NMNAT2: variants seen among roughly 807,000 people sequenced by gnomAD.
NMNAT2 encodes nicotinamide nucleotide adenylyltransferase 2.
A neutral mutation model predicts 41.6 loss-of-function variants in NMNAT2; 11 were observed. The observed-to-expected ratio is 0.26, with a 90% CI of 0.17 to 0.44. The LOEUF (loss-of-function observed/expected upper bound fraction) is 0.44, where lower values mean the gene tolerates loss of function less well. NMNAT2 is among the 20% of genes least tolerant of loss of function. The pLI is 1.00. For synonymous variants in NMNAT2, 148 were observed against 151.2 expected (o/e 0.98, Z 0.16); for missense variants, 288 against 407.7 (o/e 0.71, Z 2.53).
At chr1:183,357,219 C>CTTTTTTT (rs11343113) in intron 1 of NMNAT2, among the ~76,000 whole-genome samples, 4 of 71,600 alleles carry the variant, frequency 5.6e-5, no homozygotes, top group Non-Finnish European at 8.1e-5. Context: ...ACATCAAATT[C>CTTTTTTT]TTTTTTTTTT....
chr1:183,274,979 C>T (rs1451083145), intron 8 of NMNAT2, among the ~76,000 whole-genome samples: 4 of 152,054 alleles, frequency 2.6e-5, no homozygotes, highest in Non-Finnish European at 5.9e-5. Flanking sequence ...CAGAGGAGAA[C>T]GGGCCTGGTG....
At chr1:183,410,400 GA>G (rs1284867977) in intron 1 of NMNAT2, among the ~76,000 whole-genome samples, 1 of 151,928 alleles carries the variant, frequency 6.6e-6, no homozygotes, top group African/African-American at 2.4e-5. Flanking sequence ...TTCAAAGAGT[GA>G]TACAGAAATA....
chr1:183,287,262 G>A (rs1299000916), intron 4 of NMNAT2, among the ~76,000 whole-genome samples: 1 of 152,114 alleles, frequency 6.6e-6, no homozygotes, highest in Non-Finnish European at 1.5e-5. Flanking sequence ...GGGCTCAAAT[G>A]AGATCATGTC....
At chr1:183,337,324 G>A (rs1385131753) in intron 1 of NMNAT2, among the ~76,000 whole-genome samples, 1 of 152,052 alleles carries the variant, frequency 6.6e-6, no homozygotes, top group Non-Finnish European at 1.5e-5. Flanking sequence ...CTACCTGTCA[G>A]TAGTAGTATA....
Position 183,327,799 on chromosome 1 carries a change from G to C in NMNAT2, c.86-34006C>G, listed in dbSNP as rs1223502840. ...AGAAATAAAAATAGTCTTCTTAGCT[G>C]CTGTTTTTTGTGTGTGTATGTGTGT... On this transcript the variant is annotated intron_variant, in intron 1 of 10. Coordinates refer to ENST00000287713, the MANE Select transcript of NMNAT2 (RefSeq NM_015039.4). Among the ~76,000 whole-genome samples the C allele has an allele frequency of 3.3e-5, 5 of 152,186 alleles. No homozygotes were observed. In the East Asian group the frequency reaches 9.6e-4, roughly 29 times the overall value.
At chr1:183,394,589 A>G (rs1648578916) in intron 1 of NMNAT2, among the ~76,000 whole-genome samples, 1 of 152,212 alleles carries the variant, frequency 6.6e-6, no homozygotes, top group South Asian at 2.1e-4. Context: ...AGGAGCAAAA[A>G]TCTGGCTGAA....
At chr1:183,417,356 A>G (rs1480722261) in intron 1 of NMNAT2, among the ~76,000 whole-genome samples, 2 of 151,732 alleles carry the variant, frequency 1.3e-5, no homozygotes, top group African/African-American at 4.8e-5. Context: ...ACACGCATAT[A>G]CTCACACACA....
At chr1:183,304,950 A>G in intron 1 of NMNAT2, 2 of 1,239,452 alleles carry the variant, frequency 1.6e-6, no homozygotes, top group Middle Eastern at 2.9e-4. Context: ...GACCATGCTG[A>G]GAGAACCTCT....
chr1:183,407,096 C>T (rs1278830785), intron 1 of NMNAT2, among the ~76,000 whole-genome samples: 1 of 152,170 alleles, frequency 6.6e-6, no homozygotes, highest in East Asian at 1.9e-4. Context: ...GGATCATAGG[C>T]GTGAGCCACT....
At chr1:183,380,139 A>C (rs1237614710) in intron 1 of NMNAT2, among the ~76,000 whole-genome samples, 1 of 152,224 alleles carries the variant, frequency 6.6e-6, no homozygotes, top group Non-Finnish European at 1.5e-5. Context: ...GATTTTGTTC[A>C]GGTTTCAGAA....
intron 8 of NMNAT2, among the ~76,000 whole-genome samples, chr1:183,267,910 C>T (rs1295415112): frequency 1.3e-5 from 2 of 152,168 alleles, no homozygotes; most frequent in African/African-American, 4.8e-5. Context: ...TCTTCTCCCC[C>T]TGCAGCATAC....
chr1:183,344,773 A>T (rs948010768), intron 1 of NMNAT2, among the ~76,000 whole-genome samples: 5 of 152,180 alleles, frequency 3.3e-5, no homozygotes, highest in African/African-American at 4.8e-5. Flanking sequence ...GGCATTTAAA[A>T]CCATACCTCA....
At chr1:183,415,699 T>A (rs1359793319) in intron 1 of NMNAT2, among the ~76,000 whole-genome samples, 7 of 152,238 alleles carry the variant, frequency 4.6e-5, no homozygotes, top group South Asian at 2.1e-4. Flanking sequence ...TTAACAGGAA[T>A]AAGTAACATA....
At chr1:183,351,001 T>C (rs1339270346) in intron 1 of NMNAT2, among the ~76,000 whole-genome samples, 3 of 152,198 alleles carry the variant, frequency 2.0e-5, no homozygotes, top group Non-Finnish European at 4.4e-5. Flanking sequence ...AATCTTGTGC[T>C]AGGGATTGCG....
intron 1 of NMNAT2, among the ~76,000 whole-genome samples, chr1:183,349,923 A>G (rs1222450387): frequency 6.6e-6 from 1 of 152,178 alleles, no homozygotes; most frequent in African/African-American, 2.4e-5. Flanking sequence ...TAGAAGATGC[A>G]TCTCTCAGGC....
intron 10 of NMNAT2, among the ~76,000 whole-genome samples, chr1:183,255,585 CA>C (rs1258998554): frequency 6.6e-6 from 1 of 150,862 alleles, no homozygotes; most frequent in African/African-American, 2.4e-5. Context: ...GTGTTGTCTT[CA>C]ATTTCTTTTG....
At chr1:183,260,929 T>C in intron 10 of NMNAT2, 73 bp downstream of exon 10, 1 of 1,229,300 alleles carries the variant, frequency 8.1e-7, no homozygotes, top group Non-Finnish European at 1.2e-6. Context: ...GGGTCATCTT[T>C]GATGGAGGAA....
intron 1 of NMNAT2, among the ~76,000 whole-genome samples, chr1:183,341,749 C>CAAAAAAAAAAAAAAAAAAAAAAA (rs1475480146): frequency 3.2e-5 from 1 of 31,692 alleles, no homozygotes; most frequent in South Asian, 1.0e-3. Flanking sequence ...AAAAAAAAAC[C>CAAAAAAAAAAAAAAAAAAAAAAA]TGTTTCCTTC....
In NMNAT2 at chr1:183,273,841, C is replaced by CCCTT. The variant is rs1158581494; in HGVS notation, c.651+4708_651+4711dup. ...CTTTCTTTTCCCTCCCTCCCTCCCT[C>CCCTT]CCTTCCTTCCTTCCTTCCTTCCTTC... On this transcript the variant is annotated intron_variant, in intron 8 of 10. Coordinates refer to ENST00000287713, the MANE Select transcript of NMNAT2 (RefSeq NM_015039.4). Among the ~76,000 whole-genome samples the CCCTT allele has an allele frequency of 1.2e-3, 93 of 79,148 alleles. 1 individual carries two copies. The highest frequency in any genetic ancestry group is 5.8e-3 in the African/African-American group (88 of 15,112). The allele number at this position is 79,148 out of a possible 152,430, so 51.9% of individuals were successfully genotyped here.
Sources: gnomAD v4.1 joint callset for allele counts (sites outside exome capture counted in the v4.1 genomes callset) on GRCh38, gnomAD v4.1.1 for gene constraint, MANE v1.5 for transcripts, NCBI Gene and HGNC (gene_info 2026-07-23, HGNC 2026-07-21) for gene names.